Variants in AP4S1 observed in about 807,000 individuals in gnomAD.
AP4S1 encodes the protein AP-4 complex subunit sigma-1.
AP4S1 carries 23 observed loss-of-function variants against 19.8 expected under a neutral mutation model. The ratio of observed to expected loss-of-function variants is 1.16; its 90% CI spans 0.84 to 1.65. AP4S1 has a LOEUF of 1.65. Ranked by LOEUF, AP4S1 falls within the 40% of genes most tolerant of loss-of-function variation. AP4S1 has a pLI of 0.00. For synonymous variants in AP4S1, 46 were observed against 54.1 expected, an observed-to-expected ratio of 0.85 and a Z score of 0.66; for missense variants, 166 against 172.8, an observed-to-expected ratio of 0.96 and a Z score of 0.22.
chr14:31,083,609 A>C (rs1478915642), intron 5 of AP4S1: 4 of 436,458 alleles, frequency 9.2e-6, no homozygotes, highest in Non-Finnish European at 1.8e-5. Context: ...GGCTCAAGTG[A>C]TCCTCCTACC....
chr14:31,062,932 A>T (rs1886517685), intron 1 of AP4S1, among the ~76,000 whole-genome samples: 1 of 151,818 alleles, frequency 6.6e-6, no homozygotes, highest in African/African-American at 2.4e-5. Flanking sequence ...ACGCCACTGC[A>T]TTCCAGCCTG....
intron 4 of AP4S1, among the ~76,000 whole-genome samples, chr14:31,078,101 T>G (rs1055551623): frequency 6.6e-6 from 1 of 152,184 alleles, no homozygotes; most frequent in Non-Finnish European, 1.5e-5. Flanking sequence ...GATGTGGAAA[T>G]GCATCTAGCC....
At chr14:31,082,616 G>A (rs1214760419) in intron 5 of AP4S1, among the ~76,000 whole-genome samples, 2 of 152,180 alleles carry the variant, frequency 1.3e-5, no homozygotes, top group African/African-American at 4.8e-5. Context: ...AAGAGCTTTG[G>A]CCGGGCGCGG....
At chr14:31,049,425 AAAAAT>A in intron 1 of AP4S1, among the ~76,000 whole-genome samples, 1 of 42,648 alleles carries the variant, frequency 2.3e-5, no homozygotes, top group African/African-American at 1.4e-4. Context: ...AAAAAAAAAA[AAAAAT>A]ATATATATAT....
chr14:31,066,307 G>C lies in AP4S1; in HGVS notation c.111G>C (p.Lys37Asn). ...KRTLLETEVI[K>N]SCLSRSNEQC... ...CACTTCTGGAAACAGAAGTCATAAA[G>C]AGCTGTCTCTCTCGATCCAATGAAC... is the stretch of plus-strand genomic sequence containing the variant. The change falls in exon 2 of 6, where the codon AAG becomes AAC. Residue 37 changes from lysine to asparagine, a missense_variant. Coordinates refer to ENST00000542754, the MANE Select transcript of AP4S1 (RefSeq NM_001128126.3). 1 of 1,613,986 alleles carries C rather than the reference G, an allele frequency of 6.2e-7. No homozygotes were observed. The highest frequency in any genetic ancestry group is 8.5e-7 in the Non-Finnish European group (1 of 1,179,944).
intron 2 of AP4S1, among the ~76,000 whole-genome samples, chr14:31,068,988 A>G (rs1225921415): frequency 6.6e-6 from 1 of 152,202 alleles, no homozygotes; most frequent in Non-Finnish European, 1.5e-5. Context: ...TTTTAAATAA[A>G]AGCCTAAATT....
chr14:31,070,186 G>A (rs901339647), intron 3 of AP4S1, among the ~76,000 whole-genome samples: 4 of 152,082 alleles, frequency 2.6e-5, no homozygotes, highest in African/African-American at 9.7e-5. Context: ...TAGAGATGGG[G>A]TTTCACCATC....
intron 4 of AP4S1, among the ~76,000 whole-genome samples, chr14:31,078,621 G>A (rs1887486581): frequency 1.3e-5 from 2 of 152,024 alleles, no homozygotes. Context: ...GTGGGTACAA[G>A]TACTATCATT....
chr14:31,078,955 C>T (rs1887501347), intron 4 of AP4S1, among the ~76,000 whole-genome samples: 1 of 152,174 alleles, frequency 6.6e-6, no homozygotes, highest in African/African-American at 2.4e-5. Flanking sequence ...TTTAAACATT[C>T]TTTCTGTGGC....
chr14:31,078,176 T>C (rs938811531), intron 4 of AP4S1, among the ~76,000 whole-genome samples: 9 of 152,296 alleles, frequency 5.9e-5, no homozygotes, highest in Middle Eastern at 6.8e-3. Context: ...GAGACTGGCC[T>C]TGGGGACAGA....
At chr14:31,042,017 C>T (rs1312378028) in intron 1 of AP4S1, among the ~76,000 whole-genome samples, 1 of 151,956 alleles carries the variant, frequency 6.6e-6, no homozygotes, top group Non-Finnish European at 1.5e-5. Context: ...TTTTAGTAGA[C>T]ACAGGGTTTT....
chr14:31,075,903 C>T (rs1887330744), intron 4 of AP4S1, among the ~76,000 whole-genome samples: 1 of 152,068 alleles, frequency 6.6e-6, no homozygotes, highest in South Asian at 2.1e-4. Context: ...CCATGCCCAG[C>T]TAATTTTGTA....
chr14:31,058,872 G>C (rs1318483694), intron 1 of AP4S1, among the ~76,000 whole-genome samples: 2 of 151,724 alleles, frequency 1.3e-5, no homozygotes, highest in Non-Finnish European at 2.9e-5. Flanking sequence ...CACCACACCT[G>C]GCCCCTTGTG....
At chr14:31,072,781 T>A (rs1355791614) in intron 3 of AP4S1, 124 bp from the exon 4 acceptor site, 6 of 754,684 alleles carry the variant, frequency 8.0e-6, no homozygotes, top group Non-Finnish European at 1.4e-5. Flanking sequence ...GAGGCTACTT[T>A]CCTCACATTA....
chr14:31,030,256 G>A (rs920937719), intron 1 of AP4S1, among the ~76,000 whole-genome samples: 1 of 152,126 alleles, frequency 6.6e-6, no homozygotes, highest in Admixed American at 6.5e-5. Flanking sequence ...ACTGCACAGG[G>A]CCTTATCTAA....
rs1885632182 is a variant in AP4S1 at position 31,049,431 on chromosome 14, ATATATATATATAT to A, written c.-71-16694_-71-16682del. ...TCGGTCTCAAAAAAAAAAAAAAAATATATATATATATATATATATATATATATATATGTATATA... is the reference window on the plus strand; with the variant it reads ...TCGGTCTCAAAAAAAAAAAAAAAATAATATATATATATATATATGTATATA... On this transcript the variant is annotated intron_variant, in intron 1 of 5. Coordinates refer to ENST00000542754, the MANE Select transcript of AP4S1 (RefSeq NM_001128126.3). Among the ~76,000 whole-genome samples the A allele has an allele frequency of 1.2e-3, 51 of 44,098 alleles. 1 individual carries two copies. The highest frequency in any genetic ancestry group is 4.3e-3 in the African/African-American group (45 of 10,356). 28.9% of individuals were successfully genotyped at this position (44,098 alleles called of 152,430 possible).
intron 1 of AP4S1, among the ~76,000 whole-genome samples, chr14:31,064,844 A>G (rs1351411491): frequency 6.6e-6 from 1 of 152,188 alleles, no homozygotes; most frequent in East Asian, 1.9e-4. Flanking sequence ...AATCCTAGCT[A>G]TTCAGGAGGC....
chr14:31,050,657 C>T (rs1379480890), intron 1 of AP4S1, among the ~76,000 whole-genome samples: 3 of 152,168 alleles, frequency 2.0e-5, no homozygotes, highest in African/African-American at 4.8e-5. Context: ...TTCGTATACA[C>T]TTGCCCATCT....
chr14:31,065,157 A>G (rs2139564372), intron 1 of AP4S1, among the ~76,000 whole-genome samples: 1 of 152,306 alleles, frequency 6.6e-6, no homozygotes, highest in South Asian at 2.1e-4. Flanking sequence ...ATTCCTTAGC[A>G]TGACTTCTAA....
Sources: allele counts gnomAD v4.1 joint callset (sites outside exome capture counted in the v4.1 genomes callset), GRCh38; gene constraint gnomAD v4.1.1; transcripts MANE v1.5; gene names NCBI Gene and HGNC (gene_info 2026-07-23, HGNC 2026-07-21).